Variants in PAMR1 observed in about 807,000 individuals in gnomAD.
PAMR1 encodes inactive serine protease PAMR1.
A neutral mutation model predicts 81.8 loss-of-function variants in PAMR1; 88 were observed. That is an observed-to-expected ratio of 1.08 (90% CI 0.91 to 1.28). The LOEUF is 1.28. Among genes scored for constraint, PAMR1 ranks in the 50% most tolerant of loss-of-function variants. The probability of loss-of-function intolerance (pLI) is 0.00; values close to 1 mark genes in which losing one functional copy is unlikely to be tolerated. For missense variants in PAMR1, 935 were observed against 919.7 expected, an observed-to-expected ratio of 1.02 and a Z score of -0.21; for synonymous variants, 336 against 345.3, an observed-to-expected ratio of 0.97 and a Z score of 0.30.
intron 3 of PAMR1, among the ~76,000 whole-genome samples, chr11:35,490,884 C>T (rs1850612016): frequency 6.6e-6 from 1 of 152,174 alleles, no homozygotes; most frequent in Non-Finnish European, 1.5e-5. Context: ...CAAGGTCATA[C>T]TGGCAGTGAC....
chr11:35,526,765 C>T (rs1004647168), upstream of PAMR1, among the ~76,000 whole-genome samples: 4 of 152,128 alleles, frequency 2.6e-5, no homozygotes, highest in African/African-American at 7.2e-5. Flanking sequence ...GATATGGCTT[C>T]GCTGTGTCCC....
At chr11:35,478,556 C>CTGT (rs79913174) in intron 3 of PAMR1, among the ~76,000 whole-genome samples, 15 of 151,670 alleles carry the variant, frequency 9.9e-5, no homozygotes, top group African/African-American at 1.9e-4. Context: ...GAGGAGGGAG[C>CTGT]GCTCCCTCCC....
intron 6 of PAMR1, among the ~76,000 whole-genome samples, chr11:35,446,029 A>G (rs976281753): frequency 6.6e-5 from 10 of 152,210 alleles, no homozygotes; most frequent in African/African-American, 2.4e-4. Context: ...TGGTCTATTC[A>G]GGGATTCAAA....
chr11:35,449,466 C>T (rs1856366442), intron 6 of PAMR1, among the ~76,000 whole-genome samples: 1 of 152,240 alleles, frequency 6.6e-6, no homozygotes. Context: ...AGGGATGGAT[C>T]CAGGTCCCAC....
At chr11:35,467,321 C>T (rs577086519) in intron 6 of PAMR1, among the ~76,000 whole-genome samples, 16 of 152,286 alleles carry the variant, frequency 1.1e-4, no homozygotes, top group Admixed American at 6.5e-4. Flanking sequence ...TCTCAACTCA[C>T]GATCTGCTTT....
chr11:35,454,873 T>A (rs1404803386), intron 6 of PAMR1, among the ~76,000 whole-genome samples: 1 of 152,196 alleles, frequency 6.6e-6, no homozygotes, highest in Non-Finnish European at 1.5e-5. Flanking sequence ...CCAAGATGTT[T>A]TACCTGAAAG....
At chr11:35,500,178 A>G (rs1850805188) in intron 1 of PAMR1, among the ~76,000 whole-genome samples, 1 of 152,182 alleles carries the variant, frequency 6.6e-6, no homozygotes, top group Non-Finnish European at 1.5e-5. Flanking sequence ...AAGGTAATAC[A>G]TGTGTGCTGT....
intron 1 of PAMR1, among the ~76,000 whole-genome samples, chr11:35,504,719 T>C (rs1419896554): frequency 2.0e-5 from 3 of 151,994 alleles, no homozygotes; most frequent in Non-Finnish European, 4.4e-5. Flanking sequence ...GTGGTCTTGG[T>C]TATGTCTTTT....
At chr11:35,521,911 TTTGG>T (rs1029885483) in intron 1 of PAMR1, among the ~76,000 whole-genome samples, 2 of 151,348 alleles carry the variant, frequency 1.3e-5, no homozygotes, top group African/African-American at 4.9e-5. Context: ...TCGTTTTTTG[TTTGG>T]TTTTTTTTTG....
intron 6 of PAMR1, among the ~76,000 whole-genome samples, chr11:35,451,290 T>C (rs1042514510): frequency 1.3e-5 from 2 of 152,222 alleles, no homozygotes; most frequent in African/African-American, 4.8e-5. Context: ...TAACAGAGAT[T>C]GAGAACAATT....
rs552280799 is a variant in PAMR1, at chr11:35,466,465, C to G, written c.820+1536G>C. The stretch of plus-strand genomic sequence containing the variant: ...AAAACTGGGCCAGTGCAGTGGCTCA[C>G]CCCTGTAATCCCAGCACTTTGGGAG... On this transcript the variant is annotated intron_variant, in intron 6 of 10. Transcript: ENST00000619888. Among the ~76,000 whole-genome samples the G allele has an allele frequency of 5.3e-5, 8 of 152,258 alleles. No homozygotes were observed. The South Asian group carries it at 1.5e-3, about 28-fold the overall frequency.
chr11:35,484,464 G>T (rs1230837127), intron 3 of PAMR1, among the ~76,000 whole-genome samples: 2 of 152,188 alleles, frequency 1.3e-5, no homozygotes, highest in African/African-American at 4.8e-5. Context: ...TCCCCTGGAG[G>T]GCAGCCCCGA....
At chr11:35,506,208 A>T (rs529628564) in intron 1 of PAMR1, among the ~76,000 whole-genome samples, 1 of 151,356 alleles carries the variant, frequency 6.6e-6, no homozygotes, top group African/African-American at 2.4e-5. Context: ...TGTTGTCTCA[A>T]TTTACATATT....
At chr11:35,527,907 G>T (rs151262551), upstream of PAMR1, among the ~76,000 whole-genome samples, 1,420 of 152,094 alleles carry the variant, frequency 9.3e-3, 25 homozygotes, top group African/African-American at 0.033. Context: ...AGAACAAAAT[G>T]AAAACTTTTA....
intron 3 of PAMR1, among the ~76,000 whole-genome samples, chr11:35,476,913 G>C (rs371387953): frequency 6.6e-6 from 1 of 151,878 alleles, no homozygotes; most frequent in African/African-American, 2.4e-5. Context: ...CCTTGTACTT[G>C]CTGTTTTCTA....
At chr11:35,449,687 G>A (rs556718545) in intron 6 of PAMR1, among the ~76,000 whole-genome samples, 18 of 152,280 alleles carry the variant, frequency 1.2e-4, no homozygotes, top group Middle Eastern at 3.4e-3. Context: ...AGCAGCCTCC[G>A]AGAGACTGCA....
intron 1 of PAMR1, among the ~76,000 whole-genome samples, chr11:35,507,790 T>C (rs1385956838): frequency 2.0e-5 from 2 of 101,588 alleles, no homozygotes; most frequent in African/African-American, 7.9e-5. Context: ...AATTTACCTA[T>C]TGAAATCTTT....
upstream of PAMR1, chr11:35,525,656 C>A: frequency 2.1e-6 from 3 of 1,409,690 alleles, no homozygotes; most frequent in Admixed American, 3.6e-5. Context: ...CGGGGGCAGG[C>A]GGGTTTTACA....
chr11:35,504,277 A>G (rs1254785378), intron 1 of PAMR1, among the ~76,000 whole-genome samples: 2 of 152,096 alleles, frequency 1.3e-5, no homozygotes, highest in Non-Finnish European at 2.9e-5. Context: ...TCAGTTCGCT[A>G]GCATTTTGTT....
Sources: gnomAD v4.1 joint callset for allele counts (sites outside exome capture counted in the v4.1 genomes callset) on GRCh38, gnomAD v4.1.1 for gene constraint, MANE v1.5 for transcripts, NCBI Gene and HGNC (gene_info 2026-07-23, HGNC 2026-07-21) for gene names.